The following TYMS variants were observed in gnomAD, a reference collection of about 807,000 sequenced individuals.
The protein encoded by TYMS is thymidylate synthetase.
TYMS carries 21 observed loss-of-function variants against 39.3 expected under a neutral mutation model. The ratio of observed to expected loss-of-function variants is 0.54; its 90% confidence interval spans 0.38 to 0.77. The LOEUF (loss-of-function observed/expected upper bound fraction) is 0.77. Among genes scored for constraint, TYMS ranks in the 30% least tolerant of loss-of-function variants. The pLI, the probability that TYMS is intolerant of heterozygous loss-of-function variation, is 0.00. For missense variants in TYMS, 273 were observed against 406.7 expected (o/e 0.67, Z 2.83); for synonymous variants, 171 against 162.2 (o/e 1.05, Z -0.41).
chr18:672,775 C>T (rs1175653068), intron 6 of TYMS, 85 bp from the exon 7 acceptor site: 60 of 1,419,806 alleles, frequency 4.2e-5, no homozygotes, highest in Non-Finnish European at 5.1e-5. Context: ...TTGATCACAT[C>T]CTGTGTACTT....
At chr18:669,025 G>T (rs749045289) in intron 3 of TYMS, 47 bp from the exon 4 acceptor site, 26 of 1,505,608 alleles carry the variant, frequency 1.7e-5, no homozygotes, top group Non-Finnish European at 2.4e-5. Flanking sequence ...CTCATGACAT[G>T]TGTGATTAAT....
At chr18:659,540 C>A in intron 1 of TYMS, 101 bp from the exon 2 acceptor site, 1 of 982,256 alleles carries the variant, frequency 1.0e-6, no homozygotes, top group Non-Finnish European at 1.6e-6. Flanking sequence ...TTTCTGGATG[C>A]TCCAGGGCCT....
chr18:666,394 G>C (rs942408730), intron 3 of TYMS, among the ~76,000 whole-genome samples: 1 of 152,128 alleles, frequency 6.6e-6, no homozygotes, highest in African/African-American at 2.4e-5. Context: ...TCCACTCCCA[G>C]CTCTGCAGAG....
At chr18:666,467 C>T (rs2074818076) in intron 3 of TYMS, among the ~76,000 whole-genome samples, 1 of 152,150 alleles carries the variant, frequency 6.6e-6, no homozygotes, top group Non-Finnish European at 1.5e-5. Context: ...TTGGTGTCAC[C>T]TCTTACTGGA....
chr18:663,830 T>C (rs1342531617), intron 3 of TYMS, among the ~76,000 whole-genome samples: 2 of 103,548 alleles, frequency 1.9e-5, no homozygotes, highest in Non-Finnish European at 3.7e-5. Flanking sequence ...TAGTTGTAGA[T>C]ATGCGGTGTT....
intron 3 of TYMS, among the ~76,000 whole-genome samples, chr18:668,651 ACT>A (rs754573274): frequency 2.0e-5 from 3 of 152,150 alleles, no homozygotes; most frequent in African/African-American, 4.8e-5. Context: ...AAGATACAAC[ACT>A]CTCTGTGAGA....
chr18:670,527 T>C (rs553991375), intron 4 of TYMS, 165 bp from the exon 5 acceptor site: 1 of 669,786 alleles, frequency 1.5e-6, no homozygotes, highest in South Asian at 1.9e-5. Flanking sequence ...CTCAGCTCCG[T>C]GCCATCGCTG....
At chr18:672,679 A>G in intron 6 of TYMS, 181 bp from the exon 7 acceptor site, 2 of 557,062 alleles carry the variant, frequency 3.6e-6, no homozygotes, top group Non-Finnish European at 6.1e-6. Context: ...GATCTGTGCA[A>G]GAGAACAGCT....
Position 670,890 on chromosome 18 carries a change from A to T in TYMS, c.732+23A>T, listed in dbSNP as rs1598479489. 6.2e-6 allele frequency: 10 copies of T among 1,612,680 alleles called. 1 individual carries two copies. The highest frequency in any genetic ancestry group is 5.0e-5 in the Admixed American group (3 of 59,964). ...AAGGTGGGCTGTCTCGGGAAGGGTG[A>T]CTTGCCAGCCTACCACACTGAGCTC... On this transcript the variant is annotated intron_variant, in intron 5 of 6. Transcript: ENST00000323274.
chr18:666,945 T>TGATGGA (rs2074837031), intron 3 of TYMS, among the ~76,000 whole-genome samples: 1 of 27,998 alleles, frequency 3.6e-5, no homozygotes. Context: ...ATGGAGATGG[T>TGATGGA]GATGGTGATG....
At chr18:666,895 G>GA (rs113308436) in intron 3 of TYMS, among the ~76,000 whole-genome samples, 4,317 of 48,932 alleles carry the variant, frequency 0.088, 369 homozygotes, top group African/African-American at 0.26. Flanking sequence ...TTCGGGAGAT[G>GA]GTGATGGAGA....
rs901311429 is a variant in TYMS, at chr18:657,757, C to T, written c.15C>T (p.Gly5=). ...CCCGCCGCGCCATGCCTGTGGCCGG[C>T]TCGGAGCTGCCGCGCCGGCCCTTGC... is the stretch of plus-strand genomic sequence containing the variant. MPVA[G]SELPRRPLPP... is the part of the protein sequence containing the mutation. The change falls in exon 1 of 7, where the codon GGC becomes GGT. Residue 5 remains glycine, a synonymous_variant. Coordinates refer to ENST00000323274, the MANE Select transcript of TYMS (RefSeq NM_001071.4). 1.4e-6 allele frequency: 2 copies of T among 1,421,324 alleles called. No individual in the cohort carries two copies. Among genetic ancestry groups the T allele is most frequent in the Non-Finnish European group, 1.8e-6 (2 of 1,097,124 alleles). The allele number at this position is 1,421,324 out of a possible 1,614,324, so 88.0% of individuals were successfully genotyped here.
chr18:667,703 A>G (rs2074885949), intron 3 of TYMS: 1 of 152,212 alleles, frequency 6.6e-6, no homozygotes, highest in African/African-American at 2.4e-5. Context: ...TATTATGTGT[A>G]CTTTATCACA....
Position 669,474 on chromosome 18 carries a change from G to A in TYMS, c.556+301G>A, listed in dbSNP as rs2074941468. The A allele has an allele frequency of 4.4e-5, 10 of 225,172 alleles. 2 individuals carry two copies. The South Asian group carries it at 7.3e-4, about 16-fold the overall frequency. 13.9% of individuals were successfully genotyped at this position (225,172 alleles called of 1,614,324 possible). On this transcript the variant is annotated intron_variant, in intron 4 of 6. Coordinates refer to ENST00000323274, the MANE Select transcript of TYMS (RefSeq NM_001071.4). ...TGTAACCTCTGCCTCCTGGGTTCGA[G>A]TGATTCTCCTGCCTCAGCCTCCCAA...
intron 3 of TYMS, chr18:667,577 T>TGATGGTGATGGTGATGGTGATGGA (rs2074880732): frequency 1.4e-5 from 1 of 73,622 alleles, no homozygotes; most frequent in African/African-American, 1.1e-4. Flanking sequence ...ATGGAGATGG[T>TGATGGTGATGGTGATGGTGATGGA]GATGGTGATG....
In TYMS at chr18:660,515, G is replaced by C. The variant is rs934691212; in HGVS notation, c.279+801G>C. On this transcript the variant is annotated intron_variant, in intron 2 of 6. Transcript: ENST00000323274. The surrounding 1 kb of genome is among the most constrained non-coding windows in gnomAD (Gnocchi z 4.6). ...GGATTTGTTTCTCGTGTTCACTGTT[G>C]TATCGCCAGGGCCTCAAACACAGCC... Among the ~76,000 whole-genome samples the C allele has an allele frequency of 6.6e-6, 1 of 152,170 alleles. No homozygotes were observed. The highest frequency in any genetic ancestry group is 2.4e-5 in the African/African-American group (1 of 41,424).
intron 4 of TYMS, among the ~76,000 whole-genome samples, chr18:669,895 G>C (rs1598475951): frequency 6.6e-6 from 1 of 151,902 alleles, no homozygotes. Context: ...CCAGGAATTT[G>C]AGGCTGTAGT....
intron 3 of TYMS, among the ~76,000 whole-genome samples, chr18:667,430 AGATGGTGATGGTGATGGTGATGGTGAT>A (rs1567990571): frequency 0.046 from 79 of 1,710 alleles, 31 homozygotes; most frequent in Non-Finnish European, 0.059. Context: ...ATGGTGATGG[AGATGGTGATGGTGATGGTGATGGTGAT>A]GATGGAGATG....
At chr18:671,999 C>CA (rs2075084006) in intron 6 of TYMS, 2 of 152,740 alleles carry the variant, frequency 1.3e-5, no homozygotes, top group African/African-American at 4.8e-5. Context: ...AGGCTAGTCT[C>CA]AAACTCCTGA....
Sources: allele counts gnomAD v4.1 joint callset (sites outside exome capture counted in the v4.1 genomes callset), GRCh38; gene constraint gnomAD v4.1.1; non-coding constraint Gnocchi (gnomAD v3.1); transcripts MANE v1.5; gene names NCBI Gene and HGNC (gene_info 2026-07-23, HGNC 2026-07-21).